Variants in DHX37 observed in about 807,000 individuals in gnomAD.
DHX37 encodes DEAH-box helicase 37.
A neutral mutation model predicts 134.3 loss-of-function variants in DHX37; 52 were observed. The ratio of observed to expected loss-of-function variants is 0.39; its 90% CI spans 0.31 to 0.49. The LOEUF (loss-of-function observed/expected upper bound fraction) is 0.49, where lower values mean the gene tolerates loss of function less well. DHX37 is among the 20% of genes least tolerant of loss of function. DHX37 has a pLI of 0.93. For missense variants in DHX37, 1,344 were observed against 1,580.8 expected (o/e 0.85, Z 2.54); for synonymous variants, 634 against 670.7 (o/e 0.95, Z 0.85).
rs1008245504 is a variant in DHX37 at position 124,980,757 on chromosome 12, G to C, written c.471C>G (p.Pro157=). 31 of 1,557,522 alleles carry C rather than the reference G, an allele frequency of 2.0e-5. No individual in the cohort carries two copies. The highest frequency in any genetic ancestry group is 2.7e-5 in the African/African-American group (2 of 73,390). ...SGAHRKRRRW[P]SAEEEEEEEE... ...CCTCCTCCTCCTCCTCCTCAGCTGA[G>C]GGCCAGCGGCGACGCTTCCGGTGGG... The change falls in exon 4 of 27, where the codon CCC becomes CCG. Residue 157 remains proline (P), a synonymous_variant. Coordinates refer to ENST00000308736, the MANE Select transcript of DHX37 (RefSeq NM_032656.4). This position sits in a 1 kb window ranked among gnomAD's most constrained non-coding sequence, Gnocchi z 5.3.
At chr12:124,988,536 G>C (rs546926441) in intron 1 of DHX37, among the ~76,000 whole-genome samples, 30 of 152,242 alleles carry the variant, frequency 2.0e-4, no homozygotes, top group African/African-American at 7.2e-4. Context: ...CTCCTAAAAA[G>C]GGGTCTGAGA....
intron 4 of DHX37, among the ~76,000 whole-genome samples, chr12:124,979,469 G>A (rs906898554): frequency 1.3e-5 from 2 of 152,142 alleles, no homozygotes; most frequent in African/African-American, 4.8e-5. Flanking sequence ...TATTCACACC[G>A]TGAATACTCG....
At chr12:124,975,927 G>A (rs1276919506) in intron 5 of DHX37, among the ~76,000 whole-genome samples, 1 of 152,232 alleles carries the variant, frequency 6.6e-6, no homozygotes, top group African/African-American at 2.4e-5. Context: ...CTCGCTGGGT[G>A]CCTGAACCTG....
At chr12:124,984,389 C>A (rs968679779) in intron 2 of DHX37, among the ~76,000 whole-genome samples, 1 of 151,962 alleles carries the variant, frequency 6.6e-6, no homozygotes, top group Non-Finnish European at 1.5e-5. Flanking sequence ...CAAAGTTAGC[C>A]GGACGTGGTG....
At chr12:124,977,965 G>A (rs534137127) in intron 4 of DHX37, among the ~76,000 whole-genome samples, 280 of 152,152 alleles carry the variant, frequency 1.8e-3, no homozygotes, top group African/African-American at 6.0e-3. Flanking sequence ...TATATGTATC[G>A]TATATGGAAG....
intron 6 of DHX37, among the ~76,000 whole-genome samples, chr12:124,973,398 C>T (rs998614397): frequency 8.0e-5 from 12 of 150,312 alleles, no homozygotes; most frequent in Admixed American, 4.0e-4. Context: ...AGTGAAACTC[C>T]GTCTCAAAAA....
intron 6 of DHX37, among the ~76,000 whole-genome samples, chr12:124,973,988 C>T (rs188380495): frequency 6.9e-6 from 1 of 144,780 alleles, no homozygotes; most frequent in Non-Finnish European, 1.5e-5. Flanking sequence ...CGCTCTTTCG[C>T]CCAGGCCAGA....
chr12:124,957,717 G>A (rs907837400), intron 16 of DHX37, among the ~76,000 whole-genome samples: 1 of 151,388 alleles, frequency 6.6e-6, no homozygotes, highest in African/African-American at 2.4e-5. Flanking sequence ...AACCTGGGAG[G>A]TGGGGGTTTC....
intron 16 of DHX37, among the ~76,000 whole-genome samples, chr12:124,957,430 A>T (rs941914260): frequency 6.6e-6 from 1 of 152,156 alleles, no homozygotes; most frequent in Non-Finnish European, 1.5e-5. Flanking sequence ...ACAGACTATT[A>T]TACTCATGAG....
chr12:124,957,645 G>A (rs978494019), intron 16 of DHX37, among the ~76,000 whole-genome samples: 1 of 152,060 alleles, frequency 6.6e-6, no homozygotes, highest in Non-Finnish European at 1.5e-5. Flanking sequence ...AAATTAGCCG[G>A]GTGTGGTGGC....
At chr12:124,974,179 CT>C (rs1341915462) in intron 6 of DHX37, among the ~76,000 whole-genome samples, 1 of 151,746 alleles carries the variant, frequency 6.6e-6, no homozygotes, top group African/African-American at 2.4e-5. Context: ...TGGTCTCGAT[CT>C]CCTGACCTCA....
chr12:124,970,787 T>C (rs1594496827), intron 8 of DHX37, among the ~76,000 whole-genome samples: 1 of 152,092 alleles, frequency 6.6e-6, no homozygotes, highest in South Asian at 2.1e-4. Context: ...CAGGCCCCTC[T>C]CCCCGCCGGG....
Position 124,954,191 on chromosome 12 carries a change from T to G in DHX37, c.2474A>C (p.Glu825Ala), listed in dbSNP as rs774517204. Residue 825 changes from glutamate to alanine, a missense_variant, in exon 19 of 27, where the codon GAG (glutamate) becomes GCG (alanine). By Grantham distance (107) the Glu-to-Ala change is moderately radical. Around this residue, in one of 7 missense-constraint regions of DHX37, gnomAD observed 558 missense variants for 650.0 expected, o/e 0.86. Transcript: ENST00000308736. ...ELDRPAASDE[E>A]LTRLKSKRAR... ...CCGCTTGCTCTTCAGCCTGGTGAGC[T>G]CCTCGTCACTGGCCGCTGGTCTGCA... 1.9e-6 allele frequency: 3 copies of G among 1,604,790 alleles called. No homozygotes were observed. The highest frequency in any genetic ancestry group is 8.5e-7 in the Non-Finnish European group (1 of 1,176,262).
rs1025477465 is a variant in DHX37 at position 124,946,909 on chromosome 12, G to A, written c.*893C>T. ...CAGGAGCAGAATCCATTCTGCCAGC[G>A]CTGGGCTCTGGGGAGACATCTGTGC... On this transcript the variant is annotated 3_prime_UTR_variant, in exon 27 of 27. Transcript: ENST00000308736. 54 of 152,336 alleles carry A rather than the reference G, an allele frequency of 3.5e-4. No homozygotes were observed. Among genetic ancestry groups the A allele is most frequent in the African/African-American group, 1.2e-3 (50 of 41,554 alleles). The allele number at this position is 152,336 out of a possible 1,614,324, so 9.4% of individuals were successfully genotyped here.
intron 1 of DHX37, among the ~76,000 whole-genome samples, chr12:124,987,987 C>CTTTT (rs11349687): frequency 1.0e-4 from 8 of 79,670 alleles, no homozygotes; most frequent in South Asian, 5.3e-4. Context: ...GTCTGTGGAA[C>CTTTT]TTTTTTTTTT....
Position 124,964,642 on chromosome 12 carries a change from G to C in DHX37, c.1813-16C>G, listed in dbSNP as rs750202489. 6.2e-7 allele frequency: 1 copy of C among 1,605,348 alleles called. No individual in the cohort carries two copies. The highest frequency in any genetic ancestry group is 8.5e-7 in the Non-Finnish European group (1 of 1,178,132). Reference sequence around the variant, plus strand: ...GCTTAAAGACCTAGGATTCGGGGAAGGGATGGCAGGAAAACACCAGAATCA... The same window carrying C: ...GCTTAAAGACCTAGGATTCGGGGAACGGATGGCAGGAAAACACCAGAATCA... On this transcript the variant is annotated splice_polypyrimidine_tract_variant and intron_variant, in intron 14 of 26. Coordinates refer to ENST00000308736, the MANE Select transcript of DHX37 (RefSeq NM_032656.4).
At chr12:124,977,312 C>A (rs1334838208) in intron 5 of DHX37, 30 bp downstream of exon 5, 1 of 1,496,096 alleles carries the variant, frequency 6.7e-7, no homozygotes, top group South Asian at 1.4e-5. Context: ...CACTGAGGGA[C>A]CCAGAGAGAA....
At chr12:124,973,638 C>CCT (rs767800054) in intron 6 of DHX37, among the ~76,000 whole-genome samples, 3 of 102,872 alleles carry the variant, frequency 2.9e-5, no homozygotes, top group African/African-American at 7.6e-5. Context: ...CCCCCCAACG[C>CCT]TTTTTTTTTT....
chr12:124,963,378 A>G (rs1954307731), intron 15 of DHX37, among the ~76,000 whole-genome samples: 1 of 152,156 alleles, frequency 6.6e-6, no homozygotes. Context: ...GGGTGACTGC[A>G]GTGGTCACGG....
Sources: allele counts gnomAD v4.1 joint callset (sites outside exome capture counted in the v4.1 genomes callset), GRCh38; gene constraint gnomAD v4.1.1; regional missense constraint gnomAD v4.1.1; non-coding constraint Gnocchi (gnomAD v3.1); transcripts MANE v1.5; gene names NCBI Gene and HGNC (gene_info 2026-07-23, HGNC 2026-07-21).